The following WNK2 variants were observed in gnomAD, a reference collection of about 807,000 sequenced individuals.
WNK2 encodes WNK lysine deficient protein kinase 2, also known as serine/threonine-protein kinase WNK2.
Under a neutral mutation model 192.1 loss-of-function variants are expected in WNK2, and 67 were observed. The ratio of observed to expected loss-of-function variants is 0.35; its 90% CI spans 0.29 to 0.43. The LOEUF (loss-of-function observed/expected upper bound fraction) is 0.43. WNK2 is among the 20% of genes least tolerant of loss of function. The pLI is 1.00. For synonymous variants in WNK2, 1,439 were observed against 1,393.9 expected, an observed-to-expected ratio of 1.03 and a Z score of -0.72; for missense variants, 2,698 against 3,089.7, an observed-to-expected ratio of 0.87 and a Z score of 3.01.
At chr9:93,298,104 G>A (rs750517868) in intron 24 of WNK2, 37 bp downstream of exon 24, 11 of 1,543,244 alleles carry the variant, frequency 7.1e-6, no homozygotes, top group South Asian at 1.2e-5. Flanking sequence ...TGGGAGCGGG[G>A]CTGGGGACCC....
At position 93,306,805 on chromosome 9, in the gene WNK2, C is replaced by G; in HGVS notation, c.6243C>G (p.Gly2081=). 6.2e-7 allele frequency: 1 copy of G among 1,614,084 alleles called. No individual in the cohort carries two copies. Among genetic ancestry groups the G allele is most frequent in the Non-Finnish European group, 8.5e-7 (1 of 1,179,900 alleles). ...IWSALKRLCL[G]KEHSSRSSTS... ...CTGCCCTGAAGCGTCTCTGCCTAGG[C>G]AAAGAACACAGCAGTAGTAATTATC... is the stretch of plus-strand genomic sequence containing the variant. The change falls in exon 27 of 30, where the codon GGC becomes GGG. Residue 2081 remains glycine (G), a synonymous_variant. Coordinates refer to ENST00000427277, the MANE Select transcript of WNK2 (RefSeq NM_006648.4).
Position 93,234,847 on chromosome 9 carries a change from A to G in WNK2, c.1115A>G (p.His372Arg). The change falls in exon 5 of 30, where the codon CAC becomes CGC. Residue 372 changes from histidine to arginine, a missense_variant. Physicochemically the swap from His to Arg is conservative, Grantham distance 29. Transcript: ENST00000427277. ...EFMAPEMYEE[H>R]YDESVDVYAF... ...ATGGCGCCCGAGATGTACGAGGAGCACTACGATGAGTCCGTGGACGTCTAT... is the reference window on the plus strand; with the variant it reads ...ATGGCGCCCGAGATGTACGAGGAGCGCTACGATGAGTCCGTGGACGTCTAT... 4.3e-6 allele frequency: 7 copies of G among 1,614,162 alleles called. No homozygotes were observed. The highest frequency in any genetic ancestry group is 5.9e-6 in the Non-Finnish European group (7 of 1,180,024).
At chr9:93,295,902 CT>C (rs1850241427) in intron 23 of WNK2, among the ~76,000 whole-genome samples, 1 of 145,494 alleles carries the variant, frequency 6.9e-6, no homozygotes, top group African/African-American at 2.6e-5. Flanking sequence ...CACTTTCCTC[CT>C]CTCTCCAACC....
chr9:93,198,626 G>A (rs1164384584), intron 2 of WNK2, among the ~76,000 whole-genome samples: 2 of 152,208 alleles, frequency 1.3e-5, no homozygotes, highest in Non-Finnish European at 2.9e-5. Flanking sequence ...GACAGAGGAG[G>A]AGCTGTCCAC....
chr9:93,185,750 T>C, intron 2 of WNK2, 140 bp downstream of exon 2: 1 of 1,029,770 alleles, frequency 9.7e-7, no homozygotes, highest in Non-Finnish European at 1.4e-6. Context: ...TCTGTGTGGA[T>C]GGCTGGCAGG....
At chr9:93,252,615 T>C (rs1263023598) in intron 8 of WNK2, among the ~76,000 whole-genome samples, 1 of 152,214 alleles carries the variant, frequency 6.6e-6, no homozygotes, top group Non-Finnish European at 1.5e-5. Context: ...GGGCTGGTTG[T>C]GGGTACCTGC....
At chr9:93,262,200 G>C in intron 13 of WNK2, 93 bp downstream of exon 13, 5 of 1,435,112 alleles carry the variant, frequency 3.5e-6, no homozygotes, top group Non-Finnish European at 4.6e-6. Context: ...CCTAGAGGTC[G>C]GGGTTGCTTA....
intron 26 of WNK2, among the ~76,000 whole-genome samples, chr9:93,305,973 C>T (rs1411378823): frequency 6.6e-6 from 1 of 152,042 alleles, no homozygotes; most frequent in African/African-American, 2.4e-5. Context: ...GCCTTCCGGC[C>T]CAGCCTGCCC....
intron 19 of WNK2, among the ~76,000 whole-genome samples, chr9:93,274,685 G>T (rs1269839119): frequency 6.6e-6 from 1 of 152,034 alleles, no homozygotes; most frequent in Non-Finnish European, 1.5e-5. Context: ...TTCCTCAAAA[G>T]CCATAAACTA....
chr9:93,198,295 A>G (rs1458589330), intron 2 of WNK2, among the ~76,000 whole-genome samples: 2 of 152,188 alleles, frequency 1.3e-5, no homozygotes, highest in Non-Finnish European at 2.9e-5. Flanking sequence ...GTTGATGCTA[A>G]CAGGACTTGC....
chr9:93,308,994 C>A, intron 28 of WNK2: 1 of 1,023,156 alleles, frequency 9.8e-7, no homozygotes, highest in Non-Finnish European at 1.2e-6. Flanking sequence ...CAAGTGACAC[C>A]AGCGTCTGGC....
chr9:93,207,975 TC>T (rs1833700263), intron 2 of WNK2, among the ~76,000 whole-genome samples: 1 of 152,210 alleles, frequency 6.6e-6, no homozygotes, highest in Non-Finnish European at 1.5e-5. Flanking sequence ...TGATGCCTGC[TC>T]CCTTCCTCCT....
chr9:93,298,203 T>G, intron 24 of WNK2, 136 bp downstream of exon 24: 2 of 992,852 alleles, frequency 2.0e-6, no homozygotes, highest in Non-Finnish European at 3.0e-6. Context: ...CTGAATCTCC[T>G]TTCCCTGGAG....
intron 2 of WNK2, among the ~76,000 whole-genome samples, chr9:93,208,766 G>A (rs1235876940): frequency 0.022 from 2 of 92 alleles, no homozygotes; most frequent in South Asian, 0.25. Flanking sequence ...CATGTCCTCC[G>A]TGTGTGTGTT....
At chr9:93,228,271 A>AT (rs200089355) in intron 2 of WNK2, among the ~76,000 whole-genome samples, 2,724 of 151,606 alleles carry the variant, frequency 0.018, 85 homozygotes, top group African/African-American at 0.062. Context: ...TTGGGATGTA[A>AT]TTTTTTTTAC....
At chr9:93,317,857 C>T in intron 29 of WNK2, 2 of 1,550,264 alleles carry the variant, frequency 1.3e-6, no homozygotes, top group South Asian at 1.2e-5. Flanking sequence ...TAGCCTTCTG[C>T]CCTGTCCCTT....
chr9:93,267,506 G>T (rs1845364187), intron 16 of WNK2, among the ~76,000 whole-genome samples: 1 of 152,212 alleles, frequency 6.6e-6, no homozygotes, highest in African/African-American at 2.4e-5. Flanking sequence ...GCAGGGCATT[G>T]CTGGCCCAGG....
intron 2 of WNK2, among the ~76,000 whole-genome samples, chr9:93,190,980 C>G (rs1229915485): frequency 6.6e-6 from 1 of 152,214 alleles, no homozygotes; most frequent in Non-Finnish European, 1.5e-5. Flanking sequence ...CGGGACACAT[C>G]AGGGCTGGAA....
chr9:93,224,273 C>A (rs752400744), intron 2 of WNK2, among the ~76,000 whole-genome samples: 1 of 152,218 alleles, frequency 6.6e-6, no homozygotes, highest in Non-Finnish European at 1.5e-5. Flanking sequence ...GAAGATGCCA[C>A]GGAATCCCAA....
Sources: allele counts gnomAD v4.1 joint callset (sites outside exome capture counted in the v4.1 genomes callset), GRCh38; gene constraint gnomAD v4.1.1; transcripts MANE v1.5; gene names NCBI Gene and HGNC (gene_info 2026-07-23, HGNC 2026-07-21).